Variants in ADAM10 observed in about 807,000 individuals in gnomAD.
ADAM10 encodes the protein disintegrin and metalloproteinase domain-containing protein 10.
ADAM10 carries 17 observed loss-of-function variants against 90.1 expected under a neutral mutation model. The observed-to-expected ratio is 0.19, with a 90% CI of 0.13 to 0.28. The LOEUF (loss-of-function observed/expected upper bound fraction) is 0.28, where lower values mean the gene tolerates loss of function less well. ADAM10 is among the 10% of genes least tolerant of loss of function. The pLI, the probability that ADAM10 is intolerant of heterozygous loss-of-function variation, is 1.00. For missense variants in ADAM10, 610 were observed against 914.3 expected (o/e 0.67, Z 4.29); for synonymous variants, 310 against 298.6 (o/e 1.04, Z -0.40).
chr15:58,699,636 T>C (rs561220780), intron 2 of ADAM10, among the ~76,000 whole-genome samples: 17 of 152,092 alleles, frequency 1.1e-4, no homozygotes, highest in African/African-American at 3.6e-4. Context: ...TAGCCAAGCA[T>C]GGTGGCGTAC....
At chr15:58,682,428 A>G (rs1260408958) in intron 2 of ADAM10, 114 bp from the exon 3 acceptor site, 1 of 1,455,800 alleles carries the variant, frequency 6.9e-7, no homozygotes, top group Non-Finnish European at 9.1e-7. Context: ...AAATTTGTCT[A>G]TTTGTGAAAT....
At chr15:58,625,473 A>G (rs1895909625) in intron 10 of ADAM10, among the ~76,000 whole-genome samples, 1 of 152,242 alleles carries the variant, frequency 6.6e-6, no homozygotes, top group Non-Finnish European at 1.5e-5. Flanking sequence ...CACGCCCATC[A>G]GAACAGCTAA....
chr15:58,652,631 T>C (rs1896717985), intron 5 of ADAM10, among the ~76,000 whole-genome samples: 1 of 152,178 alleles, frequency 6.6e-6, no homozygotes, highest in East Asian at 1.9e-4. Context: ...GTTGTTTGGT[T>C]ACTATAGCGC....
chr15:58,607,126 G>A lies in ADAM10; in HGVS notation c.2025+3171C>T, dbSNP rs1047270638. 4.6e-5 allele frequency among the ~76,000 whole-genome samples: 7 copies of A among 152,308 alleles called. No individual in the cohort carries two copies. In the East Asian group the frequency reaches 5.8e-4, roughly 13 times the overall value. The stretch of plus-strand genomic sequence containing the variant: ...TTCTGAGCCATACAGAAATAGGCAC[G>A]GGCTGGATTTGGCCCATGGGCCATA... On this transcript the variant is annotated intron_variant, in intron 14 of 15. Coordinates refer to ENST00000260408, the MANE Select transcript of ADAM10 (RefSeq NM_001110.4).
At position 58,671,873 on chromosome 15, in the gene ADAM10, C is replaced by G. The variant is rs191337783; in HGVS notation, c.485-6676G>C. 2.0e-5 allele frequency among the ~76,000 whole-genome samples: 3 copies of G among 152,054 alleles called. No homozygotes were observed. The East Asian group carries it at 5.8e-4, about 29-fold the overall frequency. On this transcript the variant is annotated intron_variant, in intron 4 of 15. Coordinates refer to ENST00000260408, the MANE Select transcript of ADAM10 (RefSeq NM_001110.4). ...CATTAAGTTCTTGGCCTTTTAGCAG[C>G]CTTTAAACTCTCCTAACTCAGAATG... is the stretch of plus-strand genomic sequence containing the variant.
chr15:58,682,223 A>G lies in ADAM10; in HGVS notation c.298T>C (p.Ser100Pro). ...TAAATATGTCCAGTGTAAATATGAG[A>G]GGTATCATAATCAAGTACTTTATTT... ...TSNKVLDYDT[S>P]HIYTGHIYGE... The change falls in exon 3 of 16, where the codon TCT becomes CCT. Residue 100 changes from serine (S) to proline (P), a missense_variant. By Grantham distance (74) the Ser-to-Pro change is moderately conservative. Transcript: ENST00000260408. The G allele has an allele frequency of 1.2e-6, 2 of 1,612,962 alleles. No homozygotes were observed. The highest frequency in any genetic ancestry group is 1.7e-6 in the Non-Finnish European group (2 of 1,179,430).
chr15:58,688,127 G>T (rs760114888), intron 2 of ADAM10, among the ~76,000 whole-genome samples: 1 of 152,194 alleles, frequency 6.6e-6, no homozygotes, highest in Non-Finnish European at 1.5e-5. Flanking sequence ...TTGTAATATA[G>T]TTATATAAAT....
Position 58,661,003 on chromosome 15 carries a change from G to C in ADAM10, c.585+4094C>G, listed in dbSNP as rs570414965. ...CGTAGTTTGCTGACCCCGGCTCTAC[G>C]GTTTACAATATCCATCTTTATCACG... On this transcript the variant is annotated intron_variant, in intron 5 of 15. Coordinates refer to ENST00000260408, the MANE Select transcript of ADAM10 (RefSeq NM_001110.4). 3.3e-5 allele frequency among the ~76,000 whole-genome samples: 5 copies of C among 152,186 alleles called. No homozygotes were observed. In the South Asian group the frequency reaches 8.3e-4, roughly 25 times the overall value.
chr15:58,653,235 T>C (rs1317380241), intron 5 of ADAM10, among the ~76,000 whole-genome samples: 9 of 152,188 alleles, frequency 5.9e-5, no homozygotes, highest in African/African-American at 1.2e-4. Context: ...TTGCTCTAGC[T>C]AGGACCTCCA....
intron 8 of ADAM10, 96 bp downstream of exon 8, chr15:58,640,681 C>G (rs1896394911): frequency 2.6e-6 from 3 of 1,142,310 alleles, no homozygotes; most frequent in Non-Finnish European, 3.8e-6. Context: ...ATTATACAGG[C>G]ATCACTTTCT....
chr15:58,724,341 G>C (rs767896233), intron 1 of ADAM10, among the ~76,000 whole-genome samples: 2 of 151,690 alleles, frequency 1.3e-5, no homozygotes, highest in Non-Finnish European at 2.9e-5. Flanking sequence ...TGGGAGGCAG[G>C]GTAAAAAAGA....
In ADAM10 at chr15:58,595,265, T is replaced by G. The variant is rs1031619845; in HGVS notation, c.*2282A>C. The stretch of plus-strand genomic sequence containing the variant: ...AGTATCTAACTGGAAATTTTCTACA[T>G]GGATTCCAAAGTATTAAGAATAAAG... On this transcript the variant is annotated 3_prime_UTR_variant, in exon 16 of 16. Coordinates refer to ENST00000260408, the MANE Select transcript of ADAM10 (RefSeq NM_001110.4). 6.6e-6 allele frequency: 1 copy of G among 152,142 alleles called. No individual in the cohort carries two copies. Among genetic ancestry groups the G allele is most frequent in the Non-Finnish European group, 1.5e-5 (1 of 67,986 alleles). The allele number at this position is 152,142 out of a possible 1,614,324, so 9.4% of individuals were successfully genotyped here. A position where few individuals can be genotyped will look rare whatever the true frequency, so the allele number is the denominator to read the frequency against.
chr15:58,694,729 C>A (rs1595628132), intron 2 of ADAM10, among the ~76,000 whole-genome samples: 2 of 146,290 alleles, frequency 1.4e-5, no homozygotes, highest in South Asian at 2.2e-4. Context: ...CATATAATGG[C>A]AAACTACTCA....
chr15:58,651,091 T>G (rs1171658030), intron 5 of ADAM10, among the ~76,000 whole-genome samples: 1 of 152,054 alleles, frequency 6.6e-6, no homozygotes, highest in Non-Finnish European at 1.5e-5. Flanking sequence ...CATTATCTAT[T>G]AAATTTTTTT....
intron 11 of ADAM10, among the ~76,000 whole-genome samples, chr15:58,612,798 G>A (rs1164218773): frequency 6.6e-6 from 1 of 152,184 alleles, no homozygotes; most frequent in Non-Finnish European, 1.5e-5. Context: ...GCTACAGACT[G>A]GCCCGCTGGG....
At chr15:58,661,759 G>A (rs1003350241) in intron 5 of ADAM10, among the ~76,000 whole-genome samples, 2 of 152,112 alleles carry the variant, frequency 1.3e-5, no homozygotes, top group East Asian at 1.9e-4. Flanking sequence ...CCTGCTGGAC[G>A]TCAATTATTT....
chr15:58,648,194 A>C (rs1896602251), intron 5 of ADAM10, among the ~76,000 whole-genome samples: 1 of 152,192 alleles, frequency 6.6e-6, no homozygotes, highest in African/African-American at 2.4e-5. Context: ...ACACAATAAA[A>C]CTTATTTTTA....
At chr15:58,720,752 A>G (rs1309892585) in intron 1 of ADAM10, among the ~76,000 whole-genome samples, 1 of 152,324 alleles carries the variant, frequency 6.6e-6, no homozygotes, top group African/African-American at 2.4e-5. Context: ...AAATATACCA[A>G]TGCATCTTCT....
chr15:58,746,040 T>G (rs1169457049), intron 1 of ADAM10, among the ~76,000 whole-genome samples: 1 of 152,206 alleles, frequency 6.6e-6, no homozygotes, highest in East Asian at 1.9e-4. Flanking sequence ...TGAGCTAATG[T>G]ATGAAAGCCG....
Sources: gnomAD v4.1 joint callset for allele counts (sites outside exome capture counted in the v4.1 genomes callset) on GRCh38, gnomAD v4.1.1 for gene constraint, MANE v1.5 for transcripts, NCBI Gene and HGNC (gene_info 2026-07-23, HGNC 2026-07-21) for gene names.